The following FSTL5 variants were observed in gnomAD, a reference collection of about 807,000 sequenced individuals.
FSTL5 encodes the protein follistatin-related protein 5.
FSTL5 carries 62 observed loss-of-function variants against 89.1 expected under a neutral mutation model. The observed-to-expected ratio is 0.70, with a 90% CI of 0.57 to 0.86. FSTL5 has a LOEUF of 0.86. Ranked by LOEUF, FSTL5 falls within the 40% of genes least tolerant of loss-of-function variation. FSTL5 has a pLI of 0.00. For synonymous variants in FSTL5, 383 were observed against 346.2 expected (o/e 1.11, Z -1.18); for missense variants, 1,057 against 1,001.6 (o/e 1.06, Z -0.75).
At chr4:161,965,708 G>A (rs533051254) in intron 3 of FSTL5, among the ~76,000 whole-genome samples, 3 of 152,216 alleles carry the variant, frequency 2.0e-5, no homozygotes, top group East Asian at 3.9e-4. Context: ...CTTGTTTACT[G>A]CTGGCATAGT....
chr4:162,120,664 T>A (rs1731821197), intron 1 of FSTL5, among the ~76,000 whole-genome samples: 1 of 152,040 alleles, frequency 6.6e-6, no homozygotes, highest in Non-Finnish European at 1.5e-5. Context: ...GTTGCAGTTA[T>A]CACAAAAAGT....
chr4:161,968,181 G>T (rs550642225), intron 3 of FSTL5, among the ~76,000 whole-genome samples: 1 of 151,786 alleles, frequency 6.6e-6, no homozygotes. Context: ...AAAACATATT[G>T]TTCTGAATGT....
At chr4:162,044,154 T>C (rs892076797) in intron 2 of FSTL5, among the ~76,000 whole-genome samples, 2 of 152,184 alleles carry the variant, frequency 1.3e-5, no homozygotes, top group African/African-American at 4.8e-5. Flanking sequence ...GGAATCACTG[T>C]CTATGACAGC....
intron 10 of FSTL5, among the ~76,000 whole-genome samples, chr4:161,515,386 T>A (rs916880093): frequency 6.6e-6 from 1 of 151,984 alleles, no homozygotes; most frequent in Non-Finnish European, 1.5e-5. Context: ...GTTGTATTTT[T>A]AGTAGAGATG....
intron 6 of FSTL5, among the ~76,000 whole-genome samples, chr4:161,716,980 A>G (rs976783273): frequency 1.3e-5 from 2 of 152,196 alleles, no homozygotes; most frequent in African/African-American, 4.8e-5. Flanking sequence ...GAAAATTTTT[A>G]TGGTTAGAAA....
At chr4:161,781,931 T>C (rs1461539614) in intron 4 of FSTL5, among the ~76,000 whole-genome samples, 1 of 152,178 alleles carries the variant, frequency 6.6e-6, no homozygotes, top group African/African-American at 2.4e-5. Context: ...TGGCAACCAC[T>C]GATTTTTTTT....
intron 15 of FSTL5, among the ~76,000 whole-genome samples, chr4:161,436,551 C>T (rs570254514): frequency 1.3e-5 from 2 of 152,270 alleles, no homozygotes; most frequent in African/African-American, 4.8e-5. Flanking sequence ...AATAGGTTCA[C>T]CTTCACTTCT....
intron 3 of FSTL5, among the ~76,000 whole-genome samples, chr4:161,958,180 C>T (rs998323962): frequency 4.6e-5 from 7 of 151,830 alleles, no homozygotes; most frequent in Admixed American, 2.0e-4. Context: ...AGTTCATTTG[C>T]GGTTTTAGTT....
At chr4:161,875,623 G>A (rs755251907) in intron 4 of FSTL5, among the ~76,000 whole-genome samples, 2 of 152,130 alleles carry the variant, frequency 1.3e-5, no homozygotes, top group Non-Finnish European at 2.9e-5. Context: ...TGTACTTTTC[G>A]TTTTCAATAA....
intron 6 of FSTL5, among the ~76,000 whole-genome samples, chr4:161,692,959 T>C (rs1446197528): frequency 6.6e-6 from 1 of 152,136 alleles, no homozygotes; most frequent in Non-Finnish European, 1.5e-5. Context: ...CCTGACCTCA[T>C]GATCTGCCTG....
intron 13 of FSTL5, among the ~76,000 whole-genome samples, chr4:161,471,483 T>C (rs963357663): frequency 5.9e-5 from 9 of 152,224 alleles, no homozygotes; most frequent in Admixed American, 6.5e-5. Context: ...TTTACATCAG[T>C]GTTCATAAGG....
intron 2 of FSTL5, among the ~76,000 whole-genome samples, chr4:162,054,821 G>T (rs1738486761): frequency 6.6e-6 from 1 of 151,828 alleles, no homozygotes. Flanking sequence ...CAGTGTACCT[G>T]TATCCCAGTT....
chr4:161,734,729 A>G (rs1739729566), intron 6 of FSTL5, among the ~76,000 whole-genome samples: 1 of 152,198 alleles, frequency 6.6e-6, no homozygotes, highest in South Asian at 2.1e-4. Flanking sequence ...CTGTCACACC[A>G]AAGCAATCAA....
intron 3 of FSTL5, among the ~76,000 whole-genome samples, chr4:161,952,601 A>C (rs895863935): frequency 3.9e-5 from 6 of 151,948 alleles, no homozygotes; most frequent in Non-Finnish European, 8.8e-5. Flanking sequence ...TAGTGAAGGC[A>C]CGCCACCTGG....
At chr4:161,703,883 C>T (rs1738483289) in intron 6 of FSTL5, among the ~76,000 whole-genome samples, 2 of 152,110 alleles carry the variant, frequency 1.3e-5, no homozygotes, top group South Asian at 4.1e-4. Context: ...GTAGTATTAG[C>T]TTTGTACGTT....
chr4:161,993,120 G>C (rs1322753483), intron 3 of FSTL5, among the ~76,000 whole-genome samples: 3 of 150,270 alleles, frequency 2.0e-5, no homozygotes, highest in Admixed American at 2.0e-4. Context: ...TGTAAACAAG[G>C]ATTTTTAAAA....
intron 2 of FSTL5, among the ~76,000 whole-genome samples, chr4:162,046,002 T>G (rs577962031): frequency 2.0e-5 from 3 of 152,290 alleles, no homozygotes; most frequent in Admixed American, 2.0e-4. Context: ...AACTCACTTT[T>G]AGATATCCTG....
At chr4:162,143,248 T>C (rs2111488512) in intron 1 of FSTL5, among the ~76,000 whole-genome samples, 1 of 152,242 alleles carries the variant, frequency 6.6e-6, no homozygotes, top group African/African-American at 2.4e-5. Context: ...ATTACAATGA[T>C]AAAAACTAAC....
At position 161,851,149 on chromosome 4, in the gene FSTL5, A is replaced by T. The variant is rs1731536624; in HGVS notation, c.409+69255T>A. On this transcript the variant is annotated intron_variant, in intron 4 of 15. Coordinates refer to ENST00000306100, the MANE Select transcript of FSTL5 (RefSeq NM_020116.5). ...TCTCTAGTAATTATTATTCCTATTA[A>T]TTACACATGACAAAGTTTAGAAAAC... 2.6e-5 allele frequency among the ~76,000 whole-genome samples: 4 copies of T among 152,316 alleles called. No homozygotes were observed. In the South Asian group the frequency reaches 6.2e-4, roughly 24 times the overall value.
Sources: gnomAD v4.1 joint callset for allele counts (sites outside exome capture counted in the v4.1 genomes callset) on GRCh38, gnomAD v4.1.1 for gene constraint, MANE v1.5 for transcripts, NCBI Gene and HGNC (gene_info 2026-07-23, HGNC 2026-07-21) for gene names.